STK25: variants seen among roughly 807,000 people sequenced by gnomAD.
STK25 encodes serine/threonine-protein kinase 25.
Under a neutral mutation model 53.8 loss-of-function variants are expected in STK25, and 29 were observed. That is an observed-to-expected ratio of 0.54 (90% CI 0.40 to 0.74). STK25 has a LOEUF of 0.74. Ranked by LOEUF, STK25 falls within the 30% of genes least tolerant of loss-of-function variation. STK25 has a pLI of 0.00. For synonymous variants in STK25, 247 were observed against 238.3 expected (o/e 1.04, Z -0.33); for missense variants, 420 against 568.0 (o/e 0.74, Z 2.65).
rs1260431381 is a variant in STK25 at position 241,493,091 on chromosome 2, A to T, written c.*2571T>A. ...GGTGATGCTAGCAGACAGACACTTA[A>T]CCCTGCTCACCTGTGTCCCTTTTGT... On this transcript the variant is annotated 3_prime_UTR_variant, in exon 12 of 12. Transcript: ENST00000316586. 18 of 1,145,882 alleles carry T rather than the reference A, an allele frequency of 1.6e-5. No homozygotes were observed. Among genetic ancestry groups the T allele is most frequent in the Non-Finnish European group, 2.3e-5 (17 of 753,806 alleles). 71.0% of individuals were successfully genotyped at this position (1,145,882 alleles called of 1,614,324 possible). A position where few individuals can be genotyped will look rare whatever the true frequency, so the allele number is the denominator to read the frequency against.
At chr2:241,505,675 G>A (rs1048002001) in intron 2 of STK25, among the ~76,000 whole-genome samples, 3 of 152,166 alleles carry the variant, frequency 2.0e-5, no homozygotes, top group African/African-American at 7.2e-5. Context: ...CACAGCAGGG[G>A]AGCACAGCGG....
chr2:241,504,610 T>C (rs956133780), intron 2 of STK25, among the ~76,000 whole-genome samples: 4 of 152,160 alleles, frequency 2.6e-5, no homozygotes, highest in Non-Finnish European at 4.4e-5. Context: ...AACCAGCCCC[T>C]ATCTGAAAGG....
chr2:241,506,410 AG>A (rs1354270020), intron 2 of STK25, among the ~76,000 whole-genome samples: 1 of 152,200 alleles, frequency 6.6e-6, no homozygotes. Flanking sequence ...ACACAGTTAC[AG>A]GGCACCTCGG....
intron 5 of STK25, chr2:241,499,826 G>A: frequency 2.2e-6 from 1 of 456,322 alleles, no homozygotes; most frequent in Non-Finnish European, 4.1e-6. Context: ...CCATGGGCTG[G>A]CCCAGCCTCC....
In STK25 at chr2:241,494,040, C is replaced by A; in HGVS notation, c.*1622G>T. ...GAGGTGATCCAGGGGGCCAGCAGCTCAGCCGGGAGGGCCCCAAGCATCGTG... is the reference window on the plus strand; with the variant it reads ...GAGGTGATCCAGGGGGCCAGCAGCTAAGCCGGGAGGGCCCCAAGCATCGTG... On this transcript the variant is annotated 3_prime_UTR_variant, in exon 12 of 12. Transcript: ENST00000316586. The surrounding 1 kb of genome is among the most constrained non-coding windows in gnomAD (Gnocchi z 4.9). 7.1e-7 allele frequency: 1 copy of A among 1,410,550 alleles called. No homozygotes were observed. Among genetic ancestry groups the A allele is most frequent in the Non-Finnish European group, 9.3e-7 (1 of 1,080,918 alleles). The allele number at this position is 1,410,550 out of a possible 1,614,324, so 87.4% of individuals were successfully genotyped here. A position where few individuals can be genotyped will look rare whatever the true frequency, so the allele number is the denominator to read the frequency against.
chr2:241,508,270 A>G, intron 1 of STK25, 135 bp from the exon 2 acceptor site: 3 of 1,286,456 alleles, frequency 2.3e-6, no homozygotes, highest in Non-Finnish European at 2.9e-6. Context: ...CCCGGGCCTA[A>G]CGCCCAGGCT....
chr2:241,508,420 G>T, intron 1 of STK25, 23 bp downstream of exon 1: 1 of 1,067,580 alleles, frequency 9.4e-7, no homozygotes, highest in Non-Finnish European at 1.1e-6. Context: ...CGCCGCAAGC[G>T]CCCCGCCCGG....
Position 241,493,522 on chromosome 2 carries a change from G to A in STK25, c.*2140C>T. Reference sequence around the variant, plus strand: ...GCTCCCATTTCTACTCATGGTGGTGGAGGCAAGTTTTCTGGGCCCTGGAAA... The same window carrying A: ...GCTCCCATTTCTACTCATGGTGGTGAAGGCAAGTTTTCTGGGCCCTGGAAA... On this transcript the variant is annotated 3_prime_UTR_variant, in exon 12 of 12. Coordinates refer to ENST00000316586, the MANE Select transcript of STK25 (RefSeq NM_001271977.2). The A allele has an allele frequency of 2.8e-6, 4 of 1,421,218 alleles. No individual in the cohort carries two copies. In the Admixed American group the frequency reaches 5.2e-5, roughly 18 times the overall value. 88.0% of individuals were successfully genotyped at this position (1,421,218 alleles called of 1,614,324 possible). A position where few individuals can be genotyped will look rare whatever the true frequency, so the allele number is the denominator to read the frequency against.
At chr2:241,502,220 A>G (rs2065555252) in intron 2 of STK25, among the ~76,000 whole-genome samples, 1 of 152,088 alleles carries the variant, frequency 6.6e-6, no homozygotes, top group Non-Finnish European at 1.5e-5. Context: ...TGAACTTTCC[A>G]TGCAAGGGAA....
chr2:241,497,398 C>T, intron 10 of STK25: 1 of 558,934 alleles, frequency 1.8e-6, no homozygotes, highest in Non-Finnish European at 3.3e-6. Context: ...AAAAAGTCAC[C>T]CTAGGAACCC....
At chr2:241,497,562 G>A (rs966907868) in intron 10 of STK25, 54 bp downstream of exon 10, 1 of 1,570,914 alleles carries the variant, frequency 6.4e-7, no homozygotes, top group African/African-American at 1.3e-5. Context: ...GTGCAACAGT[G>A]TCACAGCCTT....
chr2:241,505,509 A>G (rs531375280), intron 2 of STK25, among the ~76,000 whole-genome samples: 1 of 152,096 alleles, frequency 6.6e-6, no homozygotes, highest in Non-Finnish European at 1.5e-5. Context: ...CCGACTCTTC[A>G]GGCCTCTCTG....
chr2:241,501,252 TCACTGCATTACCA>T lies in STK25; in HGVS notation c.261+213_261+225del, dbSNP rs1326559931. On this transcript the variant is annotated intron_variant, in intron 3 of 11. Transcript: ENST00000316586. The surrounding 1 kb of genome is among the most constrained non-coding windows in gnomAD (Gnocchi z 5.3). ...CCCCAGAGTGCTCCTAGCAGCGCCC[TCACTGCATTACCA>T]CAGGCAGGCAAGTGGGTCCCAATGG... 1.6e-6 allele frequency: 1 copy of T among 609,032 alleles called. No homozygotes were observed. The highest frequency in any genetic ancestry group is 3.0e-6 in the Non-Finnish European group (1 of 335,984). The allele number at this position is 609,032 out of a possible 1,614,324, so 37.7% of individuals were successfully genotyped here.
chr2:241,498,639 A>C lies in STK25; in HGVS notation c.917T>G (p.Ile306Ser). 1.2e-6 allele frequency: 2 copies of C among 1,612,794 alleles called. No individual in the cohort carries two copies. The highest frequency in any genetic ancestry group is 1.7e-6 in the Non-Finnish European group (2 of 1,179,368). Residue 306 changes from isoleucine (I) to serine (S), a missense_variant and splice_region_variant, in exon 8 of 12, where the codon ATT becomes AGT. Transcript: ENST00000316586. ...GEESSSEDSD[I>S]DGEAEDGEQG... Reference sequence around the variant, plus strand: ...CCATGAGGATAAACCAGGTCCCTACATGTCAGAGTCCTCAGAGCTGGACTC... The same window carrying C: ...CCATGAGGATAAACCAGGTCCCTACCTGTCAGAGTCCTCAGAGCTGGACTC...
In STK25 at chr2:241,508,153, G is replaced by A. The variant is rs1438567769; in HGVS notation, c.-100-18C>T. 1.3e-5 allele frequency: 19 copies of A among 1,470,252 alleles called. No individual in the cohort carries two copies. Among genetic ancestry groups the A allele is most frequent in the Non-Finnish European group, 1.5e-5 (17 of 1,113,580 alleles). 91.1% of individuals were successfully genotyped at this position (1,470,252 alleles called of 1,614,324 possible). ...TCAGTCCACTGCGAGGGACACCAGG[G>A]GCGCTCGGTGCCCAGTTCAGTCATC... On this transcript the variant is annotated intron_variant, in intron 1 of 11. Transcript: ENST00000316586.
In STK25 at chr2:241,493,611, T is replaced by TG; in HGVS notation, c.*2050dup. 1 of 597,400 alleles carries TG rather than the reference T, an allele frequency of 1.7e-6. No homozygotes were observed. Among genetic ancestry groups the TG allele is most frequent in the Non-Finnish European group, 2.9e-6 (1 of 342,490 alleles). 37.0% of individuals were successfully genotyped at this position (597,400 alleles called of 1,614,324 possible). A position where few individuals can be genotyped will look rare whatever the true frequency, so the allele number is the denominator to read the frequency against. ...AGCAATGCTTTGTTTTTTTTTTTTT[T>TG]GGAGATGGCGTCTCCCTCTGTCACT... is the stretch of plus-strand genomic sequence containing the variant. On this transcript the variant is annotated 3_prime_UTR_variant, in exon 12 of 12. Transcript: ENST00000316586.
intron 2 of STK25, chr2:241,503,930 T>G (rs1262167344): frequency 4.5e-6 from 2 of 442,896 alleles, no homozygotes; most frequent in Non-Finnish European, 9.4e-6. Flanking sequence ...TGAAGCCAAC[T>G]GGACATCGCA....
intron 5 of STK25, chr2:241,499,682 GC>G: frequency 1.8e-6 from 1 of 552,386 alleles, no homozygotes; most frequent in South Asian, 2.1e-5. Context: ...AAGCGACTTC[GC>G]CCACTGGGGG....
In STK25 at chr2:241,501,448, G is replaced by C; in HGVS notation, c.261+30C>G. On this transcript the variant is annotated intron_variant, in intron 3 of 11. Coordinates refer to ENST00000316586, the MANE Select transcript of STK25 (RefSeq NM_001271977.2). This position sits in a 1 kb window ranked among gnomAD's most constrained non-coding sequence, Gnocchi z 5.3. ...TGGAAGAGAGCCGGGCACAGCACCA[G>C]CAGGGTCCCCGCCTCCCCACAACAG... 1 of 1,601,970 alleles carries C rather than the reference G, an allele frequency of 6.2e-7. No homozygotes were observed. The highest frequency in any genetic ancestry group is 8.5e-7 in the Non-Finnish European group (1 of 1,171,104).
Sources: gnomAD v4.1 joint callset for allele counts (sites outside exome capture counted in the v4.1 genomes callset) on GRCh38, gnomAD v4.1.1 for gene constraint, Gnocchi (gnomAD v3.1) non-coding constraint, MANE v1.5 for transcripts, NCBI Gene and HGNC (gene_info 2026-07-23, HGNC 2026-07-21) for gene names.